The following ST8SIA2 variants were observed in gnomAD, a reference collection of about 807,000 sequenced individuals.
ST8SIA2 encodes the protein ST8 alpha-N-acetyl-neuraminide alpha-2,8-sialyltransferase 2.
A neutral mutation model predicts 37.6 loss-of-function variants in ST8SIA2; 22 were observed. The observed-to-expected ratio is 0.58, with a 90% CI of 0.42 to 0.83. The LOEUF (loss-of-function observed/expected upper bound fraction) is 0.83, where lower values mean the gene tolerates loss of function less well. Among genes scored for constraint, ST8SIA2 ranks in the 40% least tolerant of loss-of-function variants. The pLI is 0.00. For synonymous variants in ST8SIA2, 205 were observed against 201.2 expected (o/e 1.02, Z -0.16); for missense variants, 382 against 484.7 (o/e 0.79, Z 1.99).
chr15:92,425,128 C>T (rs185607830), intron 1 of ST8SIA2, among the ~76,000 whole-genome samples: 2 of 152,326 alleles, frequency 1.3e-5, no homozygotes, highest in South Asian at 4.1e-4. Context: ...CGATCATCTT[C>T]TATCAATCAA....
At chr15:92,440,454 C>A (rs1281608963) in intron 4 of ST8SIA2, among the ~76,000 whole-genome samples, 1 of 152,168 alleles carries the variant, frequency 6.6e-6, no homozygotes, top group East Asian at 1.9e-4. Flanking sequence ...CCGGGGTGTG[C>A]TCTGCCTCAC....
intron 1 of ST8SIA2, among the ~76,000 whole-genome samples, chr15:92,416,261 G>A (rs1466441091): frequency 1.3e-5 from 2 of 151,798 alleles, no homozygotes; most frequent in Non-Finnish European, 2.9e-5. Flanking sequence ...GGAGAGTGGG[G>A]AGTGTGGACA....
intron 4 of ST8SIA2, among the ~76,000 whole-genome samples, chr15:92,440,623 G>C (rs908992959): frequency 6.6e-6 from 1 of 152,152 alleles, no homozygotes; most frequent in African/African-American, 2.4e-5. Context: ...GGACCTGTGG[G>C]GTGTTTTAGG....
At chr15:92,460,503 T>C (rs1402202816) in intron 5 of ST8SIA2, among the ~76,000 whole-genome samples, 2 of 152,220 alleles carry the variant, frequency 1.3e-5, no homozygotes, top group African/African-American at 2.4e-5. Context: ...CAGCTGCTGC[T>C]CTTCTGAGAT....
In ST8SIA2 at chr15:92,430,059, G is replaced by C. The variant is rs781153206; in HGVS notation, c.109G>C (p.Gly37Arg). Residue 37 changes from glycine (G) to arginine (R), a missense_variant, in exon 2 of 6, where the codon GGC becomes CGC. Coordinates refer to ENST00000268164, the MANE Select transcript of ST8SIA2 (RefSeq NM_006011.4). The stretch of plus-strand genomic sequence containing the variant: ...TCCTTTGTCTTGCAGGAATTCGGGA[G>C]GCAGAGGTACAATCAGATCAGCTGT... ...EIEEEIGNSGGRGTIRSAVNS... is the reference protein window; with the variant it reads ...EIEEEIGNSGRRGTIRSAVNS... 1 of 1,614,160 alleles carries C rather than the reference G, an allele frequency of 6.2e-7. No individual in the cohort carries two copies. Among genetic ancestry groups the C allele is most frequent in the East Asian group, 2.2e-5 (1 of 44,884 alleles).
intron 1 of ST8SIA2, among the ~76,000 whole-genome samples, chr15:92,429,047 C>T (rs770994089): frequency 9.2e-5 from 14 of 152,136 alleles, no homozygotes; most frequent in African/African-American, 2.4e-4. Context: ...TAACTCCCCC[C>T]GCAGTGTTCT....
At chr15:92,404,953 T>A (rs2049497255) in intron 1 of ST8SIA2, among the ~76,000 whole-genome samples, 1 of 151,404 alleles carries the variant, frequency 6.6e-6, no homozygotes, top group African/African-American at 2.4e-5. Context: ...CGTCAATGAG[T>A]GAATGGATAA....
intron 1 of ST8SIA2, among the ~76,000 whole-genome samples, chr15:92,427,260 CAAAAA>C (rs55783719): frequency 1.3e-4 from 13 of 102,620 alleles, no homozygotes; most frequent in Non-Finnish European, 1.9e-4. Flanking sequence ...GGGCACTTGG[CAAAAA>C]AAAAAAAAAA....
rs113386516 is a variant in ST8SIA2 at position 92,420,686 on chromosome 15, T to C, written c.99-9363T>C. Among the ~76,000 whole-genome samples, 373 of 152,114 alleles carry C rather than the reference T, an allele frequency of 2.5e-3. 2 individuals are homozygous for C. The highest frequency in any genetic ancestry group is 8.5e-3 in the African/African-American group (353 of 41,454). On this transcript the variant is annotated intron_variant, in intron 1 of 5. Transcript: ENST00000268164. ...GAACTGAGCAGTCAATAAGGAGAGC[T>C]CAGGAGTCATCATAAAAAGAGAGAC... is the stretch of plus-strand genomic sequence containing the variant.
intron 3 of ST8SIA2, 144 bp downstream of exon 3, chr15:92,434,519 A>G: frequency 7.8e-7 from 1 of 1,286,076 alleles, no homozygotes; most frequent in Admixed American, 1.9e-5. Context: ...GTAAGTGATC[A>G]ATCGGAAATA....
At chr15:92,402,615 A>C (rs1343061030) in intron 1 of ST8SIA2, among the ~76,000 whole-genome samples, 1 of 152,222 alleles carries the variant, frequency 6.6e-6, no homozygotes, top group African/African-American at 2.4e-5. Context: ...GCGATGCTGA[A>C]GGAAACTTAG....
intron 1 of ST8SIA2, among the ~76,000 whole-genome samples, chr15:92,424,824 C>T (rs1238804817): frequency 6.6e-6 from 1 of 152,092 alleles, no homozygotes; most frequent in Non-Finnish European, 1.5e-5. Context: ...GTTGGCCAGG[C>T]TGGTCTCAAA....
intron 1 of ST8SIA2, among the ~76,000 whole-genome samples, chr15:92,401,071 G>A (rs935945030): frequency 5.9e-5 from 9 of 152,180 alleles, no homozygotes; most frequent in Admixed American, 1.3e-4. Context: ...GATAAGGTCC[G>A]GAGCCTCATC....
chr15:92,406,428 A>G (rs2049508389), intron 1 of ST8SIA2, among the ~76,000 whole-genome samples: 1 of 152,316 alleles, frequency 6.6e-6, no homozygotes, highest in African/African-American at 2.4e-5. Context: ...GACCAGCAAC[A>G]TGGACATCAT....
chr15:92,424,796 C>G (rs1226647066), intron 1 of ST8SIA2, among the ~76,000 whole-genome samples: 1 of 151,880 alleles, frequency 6.6e-6, no homozygotes, highest in African/African-American at 2.4e-5. Flanking sequence ...ATTTTTAGTA[C>G]AGATGGGATT....
chr15:92,394,423 C>T (rs1389047244), intron 1 of ST8SIA2, among the ~76,000 whole-genome samples: 1 of 152,046 alleles, frequency 6.6e-6, no homozygotes, highest in Non-Finnish European at 1.5e-5. Flanking sequence ...GGGAAGCGGA[C>T]TCGCCCACCC....
At position 92,457,823 on chromosome 15, in the gene ST8SIA2, A is replaced by G. The variant is rs147411718; in HGVS notation, c.843-6277A>G. Among the ~76,000 whole-genome samples the G allele has an allele frequency of 1.1e-4, 17 of 152,342 alleles. No individual in the cohort carries two copies. The East Asian group carries it at 3.1e-3, about 28-fold the overall frequency. On this transcript the variant is annotated intron_variant, in intron 5 of 5. Coordinates refer to ENST00000268164, the MANE Select transcript of ST8SIA2 (RefSeq NM_006011.4). ...TTTACCCGTGGAGGCAGAATCGGAA[A>G]TAAGTGGGTCCCTCTGTGCCACTGA...
chr15:92,431,816 A>G (rs2049717822), intron 2 of ST8SIA2, among the ~76,000 whole-genome samples: 2 of 152,224 alleles, frequency 1.3e-5, no homozygotes, highest in African/African-American at 4.8e-5. Flanking sequence ...CAAGTCCCCC[A>G]GGTAGACTGC....
At chr15:92,454,962 G>T (rs2049910114) in intron 5 of ST8SIA2, among the ~76,000 whole-genome samples, 1 of 152,038 alleles carries the variant, frequency 6.6e-6, no homozygotes, top group Non-Finnish European at 1.5e-5. Context: ...CCTGTGAATT[G>T]GTGCTTAATT....
Sources: allele counts gnomAD v4.1 joint callset (sites outside exome capture counted in the v4.1 genomes callset), GRCh38; gene constraint gnomAD v4.1.1; transcripts MANE v1.5; gene names NCBI Gene and HGNC (gene_info 2026-07-23, HGNC 2026-07-21).